The following INPP4B variants were observed in gnomAD, a reference collection of about 807,000 sequenced individuals.
The protein encoded by INPP4B is inositol polyphosphate-4-phosphatase type II B.
A neutral mutation model predicts 122.5 loss-of-function variants in INPP4B; 55 were observed. That is an observed-to-expected ratio of 0.45 (90% CI 0.36 to 0.56). The LOEUF (loss-of-function observed/expected upper bound fraction) is 0.56. INPP4B is among the 20% of genes least tolerant of loss of function. INPP4B has a pLI of 0.00. For missense variants in INPP4B, 1,000 were observed against 1,097.7 expected, an observed-to-expected ratio of 0.91 and a Z score of 1.26; for synonymous variants, 403 against 388.7, an observed-to-expected ratio of 1.04 and a Z score of -0.43.
chr4:142,755,187 T>C (rs1342485182), intron 1 of INPP4B, among the ~76,000 whole-genome samples: 4 of 152,054 alleles, frequency 2.6e-5, no homozygotes, highest in Non-Finnish European at 5.9e-5. Flanking sequence ...AAGTAATAGT[T>C]ACTGACTTTC....
chr4:142,260,030 G>T (rs1483267957), intron 11 of INPP4B, among the ~76,000 whole-genome samples: 1 of 152,176 alleles, frequency 6.6e-6, no homozygotes, highest in Non-Finnish European at 1.5e-5. Context: ...CTGTCTCCAA[G>T]CTGGAGTGCA....
At chr4:142,057,175 A>G (rs1758142539) in intron 25 of INPP4B, among the ~76,000 whole-genome samples, 1 of 152,148 alleles carries the variant, frequency 6.6e-6, no homozygotes, top group South Asian at 2.1e-4. Flanking sequence ...CATCACACAA[A>G]TCAAAAATTA....
At chr4:142,571,225 C>T (rs1033151790) in intron 2 of INPP4B, among the ~76,000 whole-genome samples, 3 of 151,972 alleles carry the variant, frequency 2.0e-5, no homozygotes, top group Admixed American at 6.6e-5. Context: ...CTTCCTCCCA[C>T]TCATTTTTAA....
chr4:142,490,724 C>G (rs974352552), intron 2 of INPP4B, among the ~76,000 whole-genome samples: 3 of 152,102 alleles, frequency 2.0e-5, no homozygotes, highest in African/African-American at 7.2e-5. Context: ...CAGCCTACCA[C>G]CCAAACCCCT....
intron 2 of INPP4B, among the ~76,000 whole-genome samples, chr4:142,721,527 A>T (rs1764675545): frequency 1.3e-5 from 2 of 152,182 alleles, no homozygotes; most frequent in Admixed American, 6.5e-5. Flanking sequence ...ATTCTTATTA[A>T]AACGATGTCA....
chr4:142,461,108 G>A (rs901111831), intron 3 of INPP4B, among the ~76,000 whole-genome samples: 4 of 152,116 alleles, frequency 2.6e-5, no homozygotes, highest in Admixed American at 6.5e-5. Context: ...GGAGGTCGAA[G>A]CTGCAGTGAC....
chr4:142,180,493 A>G (rs1830287136), intron 15 of INPP4B, among the ~76,000 whole-genome samples: 1 of 152,210 alleles, frequency 6.6e-6, no homozygotes, highest in Admixed American at 6.5e-5. Flanking sequence ...GGGTACATAT[A>G]TGCTATGGGC....
At chr4:142,103,818 TACACACAC>T (rs965967126) in intron 23 of INPP4B, among the ~76,000 whole-genome samples, 1 of 151,356 alleles carries the variant, frequency 6.6e-6, no homozygotes, top group Non-Finnish European at 1.5e-5. Context: ...CACACACACA[TACACACAC>T]ACAGACACAC....
At chr4:142,255,347 C>A (rs968482473) in intron 11 of INPP4B, among the ~76,000 whole-genome samples, 6 of 151,894 alleles carry the variant, frequency 4.0e-5, no homozygotes, top group African/African-American at 1.5e-4. Flanking sequence ...CAAATTCACA[C>A]ATAACAATAT....
At chr4:142,616,598 T>C (rs142600698) in intron 2 of INPP4B, among the ~76,000 whole-genome samples, 74 of 152,320 alleles carry the variant, frequency 4.9e-4, no homozygotes, top group African/African-American at 1.7e-3. Context: ...TGTCTTATTT[T>C]AGTTTTAATT....
intron 2 of INPP4B, among the ~76,000 whole-genome samples, chr4:142,719,602 G>C (rs1370509162): frequency 6.6e-6 from 1 of 151,926 alleles, no homozygotes; most frequent in Non-Finnish European, 1.5e-5. Flanking sequence ...GGGATTACAG[G>C]CATGACCCAT....
chr4:142,299,188 T>C (rs1407968664), intron 9 of INPP4B, among the ~76,000 whole-genome samples: 1 of 148,804 alleles, frequency 6.7e-6, no homozygotes. Context: ...GACAGAGTCT[T>C]GCTCTTATCC....
chr4:142,085,802 T>C (rs1776446034), intron 24 of INPP4B, among the ~76,000 whole-genome samples: 1 of 152,180 alleles, frequency 6.6e-6, no homozygotes, highest in Admixed American at 6.5e-5. Context: ...AAACCATATG[T>C]CTCTAAAGCA....
At chr4:142,556,920 G>A (rs191990611) in intron 2 of INPP4B, among the ~76,000 whole-genome samples, 8 of 152,246 alleles carry the variant, frequency 5.3e-5, no homozygotes, top group East Asian at 1.9e-4. Flanking sequence ...GAAGACAGAG[G>A]TCTGGAAGAG....
intron 9 of INPP4B, among the ~76,000 whole-genome samples, chr4:142,302,830 C>A (rs1381698128): frequency 6.6e-6 from 1 of 151,946 alleles, no homozygotes; most frequent in African/African-American, 2.4e-5. Context: ...CAGGAACTAC[C>A]AAATGCACAG....
At position 142,135,010 on chromosome 4, in the gene INPP4B, T is replaced by C. The variant is rs2152804269; in HGVS notation, c.1721-10250A>G. 2.0e-5 allele frequency among the ~76,000 whole-genome samples: 3 copies of C among 152,260 alleles called. No individual in the cohort carries two copies. In the South Asian group the frequency reaches 6.2e-4, roughly 32 times the overall value. ...TGTATTTTATAAAATAAAAGACTTG[T>C]TATAACTATTAAAACCACTGAAATA... is the stretch of plus-strand genomic sequence containing the variant. On this transcript the variant is annotated intron_variant, in intron 18 of 25. Transcript: ENST00000262992.
At chr4:142,714,674 C>T (rs536861384) in intron 2 of INPP4B, among the ~76,000 whole-genome samples, 10 of 152,296 alleles carry the variant, frequency 6.6e-5, no homozygotes, top group African/African-American at 7.2e-5. Flanking sequence ...TTAAAGGAAA[C>T]TTACACCCAG....
At chr4:142,295,169 T>C (rs1758127492) in intron 9 of INPP4B, among the ~76,000 whole-genome samples, 1 of 152,166 alleles carries the variant, frequency 6.6e-6, no homozygotes, top group African/African-American at 2.4e-5. Flanking sequence ...GGTAAAATAT[T>C]AGGTGATTAC....
intron 7 of INPP4B, among the ~76,000 whole-genome samples, chr4:142,323,904 G>A (rs1278121855): frequency 6.6e-6 from 1 of 152,032 alleles, no homozygotes; most frequent in Non-Finnish European, 1.5e-5. Flanking sequence ...GACAGAGCTG[G>A]GCTGGAATTG....
Sources: allele counts gnomAD v4.1 joint callset (sites outside exome capture counted in the v4.1 genomes callset), GRCh38; gene constraint gnomAD v4.1.1; transcripts MANE v1.5; gene names NCBI Gene and HGNC (gene_info 2026-07-23, HGNC 2026-07-21).